MB21D2: variants seen among roughly 807,000 people sequenced by gnomAD.
MB21D2 encodes Mab-21 domain containing 2.
In MB21D2, 9 loss-of-function variants were observed where a neutral mutation model predicts 33.3. The observed-to-expected ratio is 0.27, with a 90% CI of 0.16 to 0.47. MB21D2 has a LOEUF of 0.47. Ranked by LOEUF, MB21D2 falls within the 20% of genes least tolerant of loss-of-function variation. The pLI, the probability that MB21D2 is intolerant of heterozygous loss-of-function variation, is 0.99. For synonymous variants in MB21D2, 241 were observed against 236.3 expected (o/e 1.02, Z -0.18); for missense variants, 540 against 624.6 (o/e 0.86, Z 1.44).
intron 1 of MB21D2, among the ~76,000 whole-genome samples, chr3:192,858,189 GTT>G (rs765410539): frequency 3.0e-4 from 46 of 152,094 alleles, no homozygotes; most frequent in Non-Finnish European, 5.3e-4. Flanking sequence ...TCACTGAAAA[GTT>G]AAGGCCAACA....
intron 1 of MB21D2, among the ~76,000 whole-genome samples, chr3:192,853,434 T>A (rs1263860252): frequency 1.3e-5 from 2 of 152,230 alleles, no homozygotes; most frequent in African/African-American, 4.8e-5. Context: ...GATTTAACCA[T>A]GTCTTATCTA....
chr3:192,842,868 T>C (rs959322672), intron 1 of MB21D2, among the ~76,000 whole-genome samples: 1 of 152,220 alleles, frequency 6.6e-6, no homozygotes, highest in African/African-American at 2.4e-5. Context: ...GGGCCATTCT[T>C]GTGGAAATTA....
intron 1 of MB21D2, among the ~76,000 whole-genome samples, chr3:192,894,847 C>G (rs1341094991): frequency 6.6e-6 from 1 of 152,114 alleles, no homozygotes; most frequent in Non-Finnish European, 1.5e-5. Context: ...AGGGAAACCT[C>G]CCTTTAGGCT....
chr3:192,901,186 A>T, intron 1 of MB21D2, among the ~76,000 whole-genome samples: 1 of 152,158 alleles, frequency 6.6e-6, no homozygotes, highest in East Asian at 1.9e-4. Flanking sequence ...TCCCCAAGAA[A>T]CAGAGATTTT....
chr3:192,832,621 C>A (rs190737475), intron 1 of MB21D2, among the ~76,000 whole-genome samples: 1 of 152,136 alleles, frequency 6.6e-6, no homozygotes, highest in African/African-American at 2.4e-5. Flanking sequence ...GAAACCCCAT[C>A]GCTACTAAAA....
At chr3:192,823,081 T>C (rs1421466919) in intron 1 of MB21D2, among the ~76,000 whole-genome samples, 1 of 152,236 alleles carries the variant, frequency 6.6e-6, no homozygotes, top group Non-Finnish European at 1.5e-5. Flanking sequence ...TAAGCCAGTA[T>C]AATATTCATT....
intron 1 of MB21D2, among the ~76,000 whole-genome samples, chr3:192,877,551 C>T (rs899745007): frequency 4.6e-5 from 7 of 152,152 alleles, no homozygotes; most frequent in Non-Finnish European, 8.8e-5. Context: ...TCCTTGGCCA[C>T]CAGTGTCAGT....
In MB21D2 at chr3:192,797,786, T is replaced by C. The variant is rs1720554733; in HGVS notation, c.*600A>G. 1 of 152,672 alleles carries C rather than the reference T, an allele frequency of 6.5e-6. No homozygotes were observed. The highest frequency in any genetic ancestry group is 6.5e-5 in the Admixed American group (1 of 15,282). 9.5% of individuals were successfully genotyped at this position (152,672 alleles called of 1,614,324 possible). Reference sequence around the variant, plus strand: ...GTTCTCTGATTTGAGGACAATTACATTCAATGAAGTTGCTCCAAAACACAA... The same window carrying C: ...GTTCTCTGATTTGAGGACAATTACACTCAATGAAGTTGCTCCAAAACACAA... On this transcript the variant is annotated 3_prime_UTR_variant, in exon 2 of 2. Transcript: ENST00000392452.
intron 1 of MB21D2, among the ~76,000 whole-genome samples, chr3:192,914,577 T>C (rs1175210617): frequency 6.6e-6 from 1 of 152,216 alleles, no homozygotes. Flanking sequence ...TGGTGTTTAT[T>C]ATGCACTGCC....
At chr3:192,847,448 T>A (rs1041637101) in intron 1 of MB21D2, among the ~76,000 whole-genome samples, 3 of 151,926 alleles carry the variant, frequency 2.0e-5, no homozygotes, top group Non-Finnish European at 4.4e-5. Context: ...CAGTTAGGGG[T>A]CTTGGAAATG....
At chr3:192,912,769 A>G (rs2108656961) in intron 1 of MB21D2, among the ~76,000 whole-genome samples, 1 of 152,366 alleles carries the variant, frequency 6.6e-6, no homozygotes, top group African/African-American at 2.4e-5. Flanking sequence ...AGTGATGGAA[A>G]CTGATTGCTA....
At chr3:192,836,398 T>G (rs1445489764) in intron 1 of MB21D2, among the ~76,000 whole-genome samples, 2 of 152,186 alleles carry the variant, frequency 1.3e-5, no homozygotes, top group South Asian at 4.1e-4. Flanking sequence ...ATTCTTATGT[T>G]GAAGCCCTAA....
chr3:192,802,529 T>A (rs1004626366), intron 1 of MB21D2, among the ~76,000 whole-genome samples: 1 of 152,218 alleles, frequency 6.6e-6, no homozygotes, highest in African/African-American at 2.4e-5. Flanking sequence ...AAAGCCAAAC[T>A]TAATCCGGAT....
chr3:192,917,576 C>T (rs934598129), intron 1 of MB21D2, 54 bp downstream of exon 1: 15 of 1,590,258 alleles, frequency 9.4e-6, no homozygotes, highest in Non-Finnish European at 1.3e-5. Context: ...TTTTCTACTC[C>T]GCTTCCCATC....
At chr3:192,834,421 C>T in intron 1 of MB21D2, among the ~76,000 whole-genome samples, 1 of 127,114 alleles carries the variant, frequency 7.9e-6, no homozygotes, top group Admixed American at 7.9e-5. Flanking sequence ...CCAGTTATAT[C>T]AAAAAAAAAA....
chr3:192,889,709 A>G (rs1713809115), intron 1 of MB21D2, among the ~76,000 whole-genome samples: 1 of 152,124 alleles, frequency 6.6e-6, no homozygotes, highest in African/African-American at 2.4e-5. Flanking sequence ...CCTAACAAAC[A>G]AGAAAAATCC....
At chr3:192,851,120 T>C (rs1712794525) in intron 1 of MB21D2, among the ~76,000 whole-genome samples, 1 of 152,070 alleles carries the variant, frequency 6.6e-6, no homozygotes, top group Admixed American at 6.6e-5. Flanking sequence ...TAGAACACAC[T>C]CAAGATATGG....
intron 1 of MB21D2, among the ~76,000 whole-genome samples, chr3:192,891,367 A>C (rs1424251920): frequency 6.6e-6 from 1 of 152,202 alleles, no homozygotes; most frequent in Non-Finnish European, 1.5e-5. Flanking sequence ...AAGAGCAGGA[A>C]AATAATTAAT....
chr3:192,910,548 G>A (rs1207604942), intron 1 of MB21D2, among the ~76,000 whole-genome samples: 1 of 152,072 alleles, frequency 6.6e-6, no homozygotes, highest in Admixed American at 6.6e-5. Context: ...AATAAAAAGA[G>A]ATGAATGAAA....
Sources: gnomAD v4.1 joint callset for allele counts (sites outside exome capture counted in the v4.1 genomes callset) on GRCh38, gnomAD v4.1.1 for gene constraint, MANE v1.5 for transcripts, NCBI Gene and HGNC (gene_info 2026-07-23, HGNC 2026-07-21) for gene names.